Variants in TMIGD3 observed in about 807,000 individuals in gnomAD.
TMIGD3 encodes transmembrane and immunoglobulin domain containing 3, also known as AD026 protein (AD026).
TMIGD3 carries 21 observed loss-of-function variants against 28.1 expected under a neutral mutation model. That is an observed-to-expected ratio of 0.75 (90% CI 0.53 to 1.08). The LOEUF is 1.08. Ranked by LOEUF, TMIGD3 falls within the 50% of genes least tolerant of loss-of-function variation. The pLI, the probability that TMIGD3 is intolerant of heterozygous loss-of-function variation, is 0.00. For missense variants in TMIGD3, 416 were observed against 435.6 expected (o/e 0.96, Z 0.40); for synonymous variants, 151 against 162.1 (o/e 0.93, Z 0.52).
chr1:111,546,101 G>A (rs893308246), intron 1 of TMIGD3, among the ~76,000 whole-genome samples: 1 of 152,022 alleles, frequency 6.6e-6, no homozygotes, highest in Admixed American at 6.5e-5. Flanking sequence ...GTTATTCAAG[G>A]TCTCTTGCAT....
At chr1:111,501,459 C>G (rs2100979595) in intron 1 of TMIGD3, 1 of 152,244 alleles carries the variant, frequency 6.6e-6, no homozygotes, top group African/African-American at 2.4e-5. Context: ...ATTATAACCT[C>G]AATTTTATTG....
chr1:111,487,611 A>G (rs1654447598), intron 3 of TMIGD3, among the ~76,000 whole-genome samples: 1 of 152,150 alleles, frequency 6.6e-6, no homozygotes, highest in South Asian at 2.1e-4. Context: ...ATTCAACAGA[A>G]GGAACCTGAG....
rs181227412 is a variant in TMIGD3, at chr1:111,484,575, T to A, written c.974-818A>T. Among the ~76,000 whole-genome samples the A allele has an allele frequency of 5.8e-4, 88 of 152,318 alleles. 1 individual carries two copies. The highest frequency in any genetic ancestry group is 4.4e-5 in the Non-Finnish European group (3 of 68,022). On this transcript the variant is annotated intron_variant, in intron 5 of 5. Coordinates refer to ENST00000369716, the MANE Select transcript of TMIGD3 (RefSeq NM_020683.7). ...CTGCTAGAGGACAAAAGGTCAAGAA[T>A]GCTGTGGGAGCCACTACTTTGCTTT...
At chr1:111,520,424 C>G (rs910198533) in intron 1 of TMIGD3, among the ~76,000 whole-genome samples, 27 of 152,134 alleles carry the variant, frequency 1.8e-4, no homozygotes, top group Non-Finnish European at 4.4e-5. Flanking sequence ...ATGATGATGG[C>G]AAAAGGGTGA....
upstream of TMIGD3, chr1:111,504,153 G>C: frequency 1.0e-6 from 1 of 985,180 alleles, no homozygotes; most frequent in Non-Finnish European, 1.2e-6. Flanking sequence ...AAGATTCCCT[G>C]CTCAGAAGGG....
intron 1 of TMIGD3, among the ~76,000 whole-genome samples, chr1:111,498,382 T>C (rs1257336309): frequency 2.0e-5 from 3 of 152,228 alleles, no homozygotes; most frequent in East Asian, 1.9e-4. Context: ...CCACATTCAG[T>C]GCTCAGAAGA....
At chr1:111,554,055 A>C (rs535968040) in intron 1 of TMIGD3, among the ~76,000 whole-genome samples, 1 of 152,256 alleles carries the variant, frequency 6.6e-6, no homozygotes, top group Non-Finnish European at 1.5e-5. Flanking sequence ...ATATGCACTA[A>C]AGCCAGAATT....
At chr1:111,499,718 C>T (rs1655062558) in intron 1 of TMIGD3, 2 of 1,355,114 alleles carry the variant, frequency 1.5e-6, no homozygotes, top group African/African-American at 1.5e-5. Flanking sequence ...TACGTTGTCC[C>T]CAAGTCAGGC....
chr1:111,535,863 G>C (rs560544943), intron 1 of TMIGD3, among the ~76,000 whole-genome samples: 8 of 152,108 alleles, frequency 5.3e-5, no homozygotes, highest in African/African-American at 1.9e-4. Flanking sequence ...GCCTTCTCCC[G>C]GCCTCCAGAC....
rs976220806 is a variant in TMIGD3 at position 111,500,592 on chromosome 1, G to A, written c.350+2413C>T. On this transcript the variant is annotated intron_variant, in intron 1 of 5. Transcript: ENST00000369716. ...GAAGAGAGTCAGTGAGTCCACAGCA[G>A]TAATTGCTAAAGGGTAGGGGAGATG... 6.3e-6 allele frequency: 10 copies of A among 1,597,888 alleles called. No homozygotes were observed. The African/African-American group carries it at 6.7e-5, about 11-fold the overall frequency.
At chr1:111,548,396 T>A (rs900172201) in intron 1 of TMIGD3, among the ~76,000 whole-genome samples, 1 of 152,242 alleles carries the variant, frequency 6.6e-6, no homozygotes, top group African/African-American at 2.4e-5. Context: ...TAAAACTATA[T>A]GTCATCTCCT....
At chr1:111,535,941 T>C (rs1265868294) in intron 1 of TMIGD3, among the ~76,000 whole-genome samples, 1 of 152,196 alleles carries the variant, frequency 6.6e-6, no homozygotes, top group Non-Finnish European at 1.5e-5. Context: ...TATTTGAACT[T>C]GGACCTTCAG....
In TMIGD3 at chr1:111,483,634, G is replaced by T. The variant is rs1654222087; in HGVS notation, c.*53C>A. On this transcript the variant is annotated 3_prime_UTR_variant, in exon 6 of 6. Transcript: ENST00000369716. ...TCTGAGGTGTGGGCCAGTTGTCATG[G>T]TGATTATTCTGTTGTAGCATCACTT... 1.4e-6 allele frequency: 2 copies of T among 1,402,808 alleles called. No individual in the cohort carries two copies. Among genetic ancestry groups the T allele is most frequent in the African/African-American group, 1.4e-5 (1 of 70,074 alleles). The allele number at this position is 1,402,808 out of a possible 1,614,324, so 86.9% of individuals were successfully genotyped here.
chr1:111,524,225 T>C (rs1656183882), intron 1 of TMIGD3, among the ~76,000 whole-genome samples: 1 of 151,936 alleles, frequency 6.6e-6, no homozygotes, highest in African/African-American at 2.4e-5. Flanking sequence ...GAGATGGGGT[T>C]TCACCATGTT....
At chr1:111,529,861 C>T (rs1262639291) in intron 1 of TMIGD3, among the ~76,000 whole-genome samples, 2 of 152,170 alleles carry the variant, frequency 1.3e-5, no homozygotes, top group Admixed American at 6.5e-5. Flanking sequence ...GTCATCATGG[C>T]CCGTTCTCAA....
chr1:111,528,591 C>T (rs746609433), intron 1 of TMIGD3, among the ~76,000 whole-genome samples: 9 of 152,080 alleles, frequency 5.9e-5, no homozygotes, highest in Non-Finnish European at 1.0e-4. Context: ...AGTTTCAGAA[C>T]TATAGATATA....
intron 1 of TMIGD3, among the ~76,000 whole-genome samples, chr1:111,519,020 C>T (rs1329201954): frequency 1.3e-5 from 2 of 152,112 alleles, no homozygotes; most frequent in Non-Finnish European, 2.9e-5. Flanking sequence ...CTCACCGCAA[C>T]CTCTGCCTCC....
chr1:111,507,006 CAT>C (rs201211900), upstream of TMIGD3, among the ~76,000 whole-genome samples: 42,936 of 119,064 alleles, frequency 0.36, 7,259 homozygotes, highest in Middle Eastern at 0.44. Context: ...TATACACACA[CAT>C]ATGTGTGTGT....
intron 1 of TMIGD3, among the ~76,000 whole-genome samples, chr1:111,546,344 C>T (rs1657034140): frequency 1.3e-5 from 2 of 152,074 alleles, no homozygotes; most frequent in South Asian, 4.1e-4. Flanking sequence ...GTTGTGCAAC[C>T]ATTACCACCA....
Sources: gnomAD v4.1 joint callset for allele counts (sites outside exome capture counted in the v4.1 genomes callset) on GRCh38, gnomAD v4.1.1 for gene constraint, MANE v1.5 for transcripts, NCBI Gene and HGNC (gene_info 2026-07-23, HGNC 2026-07-21) for gene names.